Variants in ZBTB7C observed in about 807,000 individuals in gnomAD.
ZBTB7C encodes zinc finger and BTB domain-containing protein 7C.
In ZBTB7C, 8 loss-of-function variants were observed where a neutral mutation model predicts 25.7. That is an observed-to-expected ratio of 0.31 (90% CI 0.18 to 0.56). The LOEUF is 0.56. Among genes scored for constraint, ZBTB7C ranks in the 20% least tolerant of loss-of-function variants. The probability of loss-of-function intolerance (pLI) is 0.91; values close to 1 mark genes in which losing one functional copy is unlikely to be tolerated. For missense variants in ZBTB7C, 824 were observed against 855.2 expected, an observed-to-expected ratio of 0.96 and a Z score of 0.46; for synonymous variants, 394 against 369.0, an observed-to-expected ratio of 1.07 and a Z score of -0.78.
At chr18:48,056,642 A>C (rs1450688515) in intron 3 of ZBTB7C, among the ~76,000 whole-genome samples, 3 of 152,156 alleles carry the variant, frequency 2.0e-5, no homozygotes, top group Non-Finnish European at 2.9e-5. Context: ...TTTAAAATGG[A>C]TTTTTCAATT....
intron 1 of ZBTB7C, among the ~76,000 whole-genome samples, chr18:48,402,839 T>C (rs1475131774): frequency 2.6e-5 from 4 of 152,254 alleles, no homozygotes; most frequent in African/African-American, 9.6e-5. Context: ...TTCTTTTCCA[T>C]ATTTTCCCAA....
intron 2 of ZBTB7C, among the ~76,000 whole-genome samples, chr18:48,214,347 G>A (rs914703469): frequency 6.6e-6 from 1 of 152,096 alleles, no homozygotes; most frequent in Non-Finnish European, 1.5e-5. Flanking sequence ...CTGTCTCTAG[G>A]AATTTAACTA....
At chr18:48,071,546 T>C (rs2037541855) in intron 3 of ZBTB7C, among the ~76,000 whole-genome samples, 1 of 152,200 alleles carries the variant, frequency 6.6e-6, no homozygotes, top group Admixed American at 6.5e-5. Flanking sequence ...CTGGTAGGAA[T>C]ATAAAATGCT....
intron 3 of ZBTB7C, among the ~76,000 whole-genome samples, chr18:48,069,159 T>C (rs970985205): frequency 1.3e-5 from 2 of 152,218 alleles, no homozygotes; most frequent in Non-Finnish European, 2.9e-5. Flanking sequence ...TGTTGCTGGA[T>C]TGACTGAATC....
At chr18:48,152,811 C>T (rs183008608) in intron 3 of ZBTB7C, among the ~76,000 whole-genome samples, 19 of 152,330 alleles carry the variant, frequency 1.2e-4, no homozygotes, top group Admixed American at 9.2e-4. Context: ...TTATTGAGCA[C>T]TTAGTGGGTG....
intron 2 of ZBTB7C, among the ~76,000 whole-genome samples, chr18:48,334,193 G>A (rs1228271919): frequency 2.6e-5 from 4 of 152,138 alleles, no homozygotes; most frequent in African/African-American, 7.2e-5. Flanking sequence ...CAGGAGGATT[G>A]GCTAGAGACC....
At chr18:48,194,496 C>A (rs898903915) in intron 2 of ZBTB7C, among the ~76,000 whole-genome samples, 1 of 152,132 alleles carries the variant, frequency 6.6e-6, no homozygotes, top group Non-Finnish European at 1.5e-5. Context: ...CTAAGTGCAG[C>A]AAGGTGATCA....
At chr18:48,156,801 G>T (rs745628817) in intron 3 of ZBTB7C, among the ~76,000 whole-genome samples, 2 of 151,636 alleles carry the variant, frequency 1.3e-5, no homozygotes, top group Non-Finnish European at 2.9e-5. Context: ...TTTAAGTAAA[G>T]TTTAAGTCCC....
intron 1 of ZBTB7C, among the ~76,000 whole-genome samples, chr18:48,349,602 G>A (rs1044437319): frequency 2.0e-5 from 3 of 152,236 alleles, no homozygotes; most frequent in African/African-American, 7.2e-5. Context: ...TGATGTCCAT[G>A]CTAAACGCTG....
At chr18:48,350,918 T>C (rs1312492240) in intron 1 of ZBTB7C, among the ~76,000 whole-genome samples, 1 of 152,064 alleles carries the variant, frequency 6.6e-6, no homozygotes, top group East Asian at 1.9e-4. Flanking sequence ...TGCACTATAG[T>C]TGATTAATCT....
intron 2 of ZBTB7C, among the ~76,000 whole-genome samples, chr18:48,232,418 G>A (rs2043279788): frequency 6.6e-6 from 1 of 151,866 alleles, no homozygotes; most frequent in African/African-American, 2.4e-5. Context: ...CTTTGTTATG[G>A]CAGCCCCGAG....
At chr18:48,371,497 C>T (rs1214062499) in intron 1 of ZBTB7C, among the ~76,000 whole-genome samples, 1 of 152,230 alleles carries the variant, frequency 6.6e-6, no homozygotes, top group Non-Finnish European at 1.5e-5. Flanking sequence ...AACGAGAGCT[C>T]AAGTCTCCTC....
Position 48,040,073 on chromosome 18 carries a change from G to C in ZBTB7C, c.1035C>G (p.Gly345=), listed in dbSNP as rs764256199. Residue 345 remains glycine (G), a synonymous_variant, in exon 4 of 5, where the codon GGC becomes GGG. Transcript: ENST00000590800. Reference sequence around the variant, plus strand: ...CTACCAGGGGCCAGGGTGGGAAGAGGCCTCCCAGGTGGGTGGCACTCAGGA... The same window carrying C: ...CTACCAGGGGCCAGGGTGGGAAGAGCCCTCCCAGGTGGGTGGCACTCAGGA... ...LNFLSATHLG[G]LFPPWPLVEE... 1.5e-5 allele frequency: 24 copies of C among 1,612,908 alleles called. No individual in the cohort carries two copies. The highest frequency in any genetic ancestry group is 2.7e-5 in the African/African-American group (2 of 74,902).
chr18:48,348,644 T>C (rs1411860274), intron 1 of ZBTB7C, among the ~76,000 whole-genome samples: 1 of 152,166 alleles, frequency 6.6e-6, no homozygotes, highest in Non-Finnish European at 1.5e-5. Flanking sequence ...TGGTGAAACC[T>C]TGTCTCTACT....
intron 1 of ZBTB7C, among the ~76,000 whole-genome samples, chr18:48,397,060 CCA>C (rs2145292687): frequency 6.6e-6 from 1 of 152,318 alleles, no homozygotes; most frequent in South Asian, 2.1e-4. Flanking sequence ...AAAAATCATT[CCA>C]GTTTGGCACT....
chr18:48,092,616 C>A (rs2038461602), intron 3 of ZBTB7C, among the ~76,000 whole-genome samples: 1 of 152,192 alleles, frequency 6.6e-6, no homozygotes, highest in Non-Finnish European at 1.5e-5. Flanking sequence ...TCTCATACCA[C>A]TTTAATAAAT....
intron 2 of ZBTB7C, among the ~76,000 whole-genome samples, chr18:48,334,544 T>C (rs777365770): frequency 6.6e-6 from 1 of 152,150 alleles, no homozygotes. Flanking sequence ...TCACATACAC[T>C]ATCTCATTTG....
At chr18:48,283,088 G>A (rs1010467140) in intron 2 of ZBTB7C, among the ~76,000 whole-genome samples, 2 of 152,198 alleles carry the variant, frequency 1.3e-5, no homozygotes, top group African/African-American at 2.4e-5. Context: ...ATTGGGGAAT[G>A]CAAATTAGTA....
chr18:48,348,886 C>T (rs1313779543), intron 1 of ZBTB7C, among the ~76,000 whole-genome samples: 3 of 152,202 alleles, frequency 2.0e-5, no homozygotes, highest in Non-Finnish European at 4.4e-5. Context: ...GAGGTCATTC[C>T]CCTGGGGAGG....
Sources: gnomAD v4.1 joint callset for allele counts (sites outside exome capture counted in the v4.1 genomes callset) on GRCh38, gnomAD v4.1.1 for gene constraint, MANE v1.5 for transcripts, NCBI Gene and HGNC (gene_info 2026-07-23, HGNC 2026-07-21) for gene names.